Variants in AOX1 observed in about 807,000 individuals in gnomAD.
AOX1 encodes aldehyde oxidase.
Under a neutral mutation model 169.5 loss-of-function variants are expected in AOX1, and 153 were observed. The observed-to-expected ratio is 0.90, with a 90% CI of 0.79 to 1.03. AOX1 has a LOEUF of 1.03. Ranked by LOEUF, AOX1 falls within the 50% of genes least tolerant of loss-of-function variation. The probability of loss-of-function intolerance (pLI) is 0.00; values close to 1 mark genes in which losing one functional copy is unlikely to be tolerated. For missense variants in AOX1, 1,656 were observed against 1,663.9 expected, an observed-to-expected ratio of 1.00 and a Z score of 0.08; for synonymous variants, 562 against 581.9, an observed-to-expected ratio of 0.97 and a Z score of 0.49.
chr2:200,630,599 G>GAAGGAAGGAAGGA (rs1452889392), intron 20 of AOX1, among the ~76,000 whole-genome samples: 2 of 142,908 alleles, frequency 1.4e-5, no homozygotes, highest in African/African-American at 2.6e-5. Flanking sequence ...AGGAAGGAAG[G>GAAGGAAGGAAGGA]AGGGGAAGAA....
chr2:200,634,164 A>ATTTTTTTTT (rs58341876), intron 20 of AOX1, among the ~76,000 whole-genome samples: 86 of 84,982 alleles, frequency 1.0e-3, no homozygotes, highest in East Asian at 3.6e-3. Flanking sequence ...TTTCTTGAGG[A>ATTTTTTTTT]TTTTTTTTTT....
chr2:200,587,093 C>T (rs1296107464), intron 1 of AOX1, among the ~76,000 whole-genome samples: 1 of 151,014 alleles, frequency 6.6e-6, no homozygotes, highest in Admixed American at 6.6e-5. Flanking sequence ...ATGGCGAAAC[C>T]TTGTCTCTAC....
intron 12 of AOX1, among the ~76,000 whole-genome samples, chr2:200,610,773 A>G (rs1438627845): frequency 6.6e-6 from 1 of 152,202 alleles, no homozygotes; most frequent in Non-Finnish European, 1.5e-5. Context: ...TGTCAGGAAG[A>G]GGACTGCTAA....
At chr2:200,642,498 T>C (rs2035370934) in intron 24 of AOX1, 112 bp from the exon 25 acceptor site, 1 of 741,658 alleles carries the variant, frequency 1.3e-6, no homozygotes, top group Non-Finnish European at 2.2e-6. Flanking sequence ...TTTTAGCATG[T>C]TAGATGAGAT....
chr2:200,663,572 ACTCTCTCT>A lies in AOX1; in HGVS notation c.3543+621_3543+628del, dbSNP rs1226325589. Among the ~76,000 whole-genome samples the A allele has an allele frequency of 3.8e-5, 4 of 105,154 alleles. No homozygotes were observed. The South Asian group carries it at 1.2e-3, about 30-fold the overall frequency. 69.0% of individuals were successfully genotyped at this position (105,154 alleles called of 152,430 possible). Reference sequence around the variant, plus strand: ...CACACACACACACACACACACACACACTCTCTCTCTCTCTCTCTCTCTCTCCCCCTCTT... The same window carrying A: ...CACACACACACACACACACACACACACTCTCTCTCTCTCTCTCCCCCTCTT... On this transcript the variant is annotated intron_variant, in intron 31 of 34. Coordinates refer to ENST00000374700, the MANE Select transcript of AOX1 (RefSeq NM_001159.4).
At chr2:200,641,046 T>C (rs2035342036) in intron 23 of AOX1, 52 bp from the exon 24 acceptor site, 7 of 1,378,296 alleles carry the variant, frequency 5.1e-6, no homozygotes, top group African/African-American at 1.4e-5. Context: ...ATGACAAAAT[T>C]TGGAGAGACT....
At chr2:200,657,049 T>C in intron 27 of AOX1, 112 bp downstream of exon 27, 1 of 674,182 alleles carries the variant, frequency 1.5e-6, no homozygotes. Context: ...GGAAGCTGGG[T>C]GAGGTGGCTC....
intron 15 of AOX1, 49 bp from the exon 16 acceptor site, chr2:200,615,922 C>G (rs770845478): frequency 1.4e-6 from 2 of 1,381,386 alleles, no homozygotes. Context: ...CAAAATCATT[C>G]TGGTGCATTC....
chr2:200,632,759 G>A (rs919245779), intron 20 of AOX1, among the ~76,000 whole-genome samples: 27 of 152,032 alleles, frequency 1.8e-4, no homozygotes, highest in Middle Eastern at 3.4e-3. Flanking sequence ...TTTCATTGTT[G>A]AAAGATATTT....
rs60045401 is a variant in AOX1 at position 200,654,206 on chromosome 2, C to CAAA, written c.3076-2611_3076-2609dup. Among the ~76,000 whole-genome samples the CAAA allele has an allele frequency of 1.6e-3, 133 of 84,756 alleles. 2 individuals carry two copies. The highest frequency in any genetic ancestry group is 5.3e-3 in the African/African-American group (120 of 22,736). 55.6% of individuals were successfully genotyped at this position (84,756 alleles called of 152,430 possible). A position where few individuals can be genotyped will look rare whatever the true frequency, so the allele number is the denominator to read the frequency against. ...CTGGGTGACAGAAGAGACCCTGTCT[C>CAAA]AAAAAAAAAAAAAAAAAAAAAAAAA... is the stretch of plus-strand genomic sequence containing the variant. On this transcript the variant is annotated intron_variant, in intron 26 of 34. Coordinates refer to ENST00000374700, the MANE Select transcript of AOX1 (RefSeq NM_001159.4).
intron 1 of AOX1, among the ~76,000 whole-genome samples, chr2:200,590,096 C>T (rs2034137280): frequency 6.6e-6 from 1 of 152,124 alleles, no homozygotes; most frequent in Non-Finnish European, 1.5e-5. Flanking sequence ...TTCTTTCCTC[C>T]TCTTCTACCT....
intron 26 of AOX1, among the ~76,000 whole-genome samples, chr2:200,654,327 C>G (rs1482948503): frequency 6.6e-6 from 1 of 151,952 alleles, no homozygotes; most frequent in Non-Finnish European, 1.5e-5. Flanking sequence ...GACCCTCCAC[C>G]AGCAAAAAGA....
At chr2:200,659,538 T>G (rs975207162) in intron 28 of AOX1, among the ~76,000 whole-genome samples, 24 of 152,334 alleles carry the variant, frequency 1.6e-4, no homozygotes, top group African/African-American at 5.8e-4. Flanking sequence ...GTCTCTGTCT[T>G]TCTGCTTCCA....
intron 25 of AOX1, 94 bp from the exon 26 acceptor site, chr2:200,650,880 A>T (rs182521546): frequency 8.6e-7 from 1 of 1,166,880 alleles, no homozygotes; most frequent in African/African-American, 1.5e-5. Flanking sequence ...TGGACCTTAC[A>T]GGATGGGCAG....
At chr2:200,614,117 T>G in intron 15 of AOX1, 151 bp downstream of exon 15, 2 of 728,344 alleles carry the variant, frequency 2.7e-6, no homozygotes, top group Non-Finnish European at 4.3e-6. Context: ...CCTCAGCCTG[T>G]CTGTGGGTGG....
At chr2:200,675,194 A>T (rs1414730004), downstream of AOX1, among the ~76,000 whole-genome samples, 1 of 152,202 alleles carries the variant, frequency 6.6e-6, no homozygotes, top group African/African-American at 2.4e-5. Flanking sequence ...ACTCTGTATG[A>T]TGTTATGTCC....
At chr2:200,621,645 T>C (rs2034888266) in intron 18 of AOX1, among the ~76,000 whole-genome samples, 1 of 150,230 alleles carries the variant, frequency 6.7e-6, no homozygotes. Context: ...TGAAGCCTTT[T>C]TTCTCATTCT....
Position 200,669,571 on chromosome 2 carries a change from C to T in AOX1, c.3799-4C>T, listed in dbSNP as rs780191303. The stretch of plus-strand genomic sequence containing the variant: ...ATAATCTAGTTGGCATGCTTCCTTT[C>T]AAGGGTCTGGGAGAGTCGGGGGTGT... On this transcript the variant is annotated splice_polypyrimidine_tract_variant and splice_region_variant and intron_variant, in intron 33 of 34. Transcript: ENST00000374700. 1 of 1,613,606 alleles carries T rather than the reference C, an allele frequency of 6.2e-7. No individual in the cohort carries two copies. The highest frequency in any genetic ancestry group is 1.7e-5 in the Admixed American group (1 of 59,956).
At chr2:200,666,825 T>C in intron 32 of AOX1, 73 bp downstream of exon 32, 2 of 1,016,318 alleles carry the variant, frequency 2.0e-6, no homozygotes, top group Non-Finnish European at 1.5e-6. Context: ...AGGAGAGCAT[T>C]CCATCAGTCT....
Sources: gnomAD v4.1 joint callset for allele counts (sites outside exome capture counted in the v4.1 genomes callset) on GRCh38, gnomAD v4.1.1 for gene constraint, MANE v1.5 for transcripts, NCBI Gene and HGNC (gene_info 2026-07-23, HGNC 2026-07-21) for gene names.